Variants in PPARGC1A observed in about 807,000 individuals in gnomAD.
PPARGC1A encodes the protein PPARG coactivator 1 alpha, also known as peroxisome proliferator-activated receptor gamma coactivator 1-alpha.
Under a neutral mutation model 88.7 loss-of-function variants are expected in PPARGC1A, and 25 were observed. That is an observed-to-expected ratio of 0.28 (90% CI 0.21 to 0.39). The LOEUF (loss-of-function observed/expected upper bound fraction) is 0.39. Among genes scored for constraint, PPARGC1A ranks in the 10% least tolerant of loss-of-function variants. The pLI is 1.00. For missense variants in PPARGC1A, 880 were observed against 968.7 expected (o/e 0.91, Z 1.22); for synonymous variants, 363 against 355.6 (o/e 1.02, Z -0.24).
the PPARGC1A span, among the ~76,000 whole-genome samples, chr4:23,997,171 C>A: frequency 6.6e-6 from 1 of 152,060 alleles, no homozygotes; most frequent in African/African-American, 2.4e-5. Context: ...GAACAATCAC[C>A]AATGTGCCAT....
At chr4:24,297,726 C>T in the PPARGC1A span, among the ~76,000 whole-genome samples, 7 of 152,080 alleles carry the variant, frequency 4.6e-5, no homozygotes, top group Non-Finnish European at 1.0e-4. Context: ...AATGAGAATC[C>T]CACTGTACAC....
At chr4:24,335,657 C>T in the PPARGC1A span, among the ~76,000 whole-genome samples, 3 of 152,056 alleles carry the variant, frequency 2.0e-5, no homozygotes, top group East Asian at 3.9e-4. Context: ...CAACTATAAG[C>T]GCGAGGGTAC....
chr4:24,233,012 C>T, the PPARGC1A span, among the ~76,000 whole-genome samples: 2 of 152,016 alleles, frequency 1.3e-5, no homozygotes, highest in African/African-American at 4.8e-5. Flanking sequence ...CTGAGAGTGT[C>T]CACACAAGGA....
the PPARGC1A span, among the ~76,000 whole-genome samples, chr4:23,997,989 T>C: frequency 0.015 from 2,355 of 152,266 alleles, 57 homozygotes; most frequent in African/African-American, 0.053. Context: ...TAATGTAGGA[T>C]TCATTAAGGA....
At chr4:24,259,720 C>T in the PPARGC1A span, among the ~76,000 whole-genome samples, 346 of 152,220 alleles carry the variant, frequency 2.3e-3, 1 homozygote, top group African/African-American at 8.0e-3. Context: ...CCACGAATAT[C>T]GATTGAATTC....
chr4:24,461,751 G>C, the PPARGC1A span, among the ~76,000 whole-genome samples: 3 of 152,184 alleles, frequency 2.0e-5, no homozygotes, highest in African/African-American at 7.2e-5. Context: ...ACTCTCGGCA[G>C]GTATTCCTTG....
intron 2 of PPARGC1A, among the ~76,000 whole-genome samples, chr4:23,838,365 T>C (rs942917661): frequency 6.6e-6 from 1 of 152,168 alleles, no homozygotes; most frequent in African/African-American, 2.4e-5. Context: ...ACTGAGAGGT[T>C]CCTAGCTCCT....
chr4:24,435,043 T>A, the PPARGC1A span, among the ~76,000 whole-genome samples: 1 of 152,244 alleles, frequency 6.6e-6, no homozygotes, highest in Non-Finnish European at 1.5e-5. Context: ...ACGTCCCTTC[T>A]TGTTTATTCA....
At chr4:24,004,938 C>T in the PPARGC1A span, among the ~76,000 whole-genome samples, 19 of 152,108 alleles carry the variant, frequency 1.2e-4, no homozygotes, top group African/African-American at 3.6e-4. Flanking sequence ...ATTGTAGGTA[C>T]GCAAGAAATG....
the PPARGC1A span, among the ~76,000 whole-genome samples, chr4:24,379,178 T>C: frequency 2.0e-5 from 3 of 152,220 alleles, no homozygotes; most frequent in Non-Finnish European, 4.4e-5. Flanking sequence ...GTCTATATGA[T>C]ATAATAATAT....
the PPARGC1A span, among the ~76,000 whole-genome samples, chr4:24,207,852 C>T: frequency 6.6e-6 from 1 of 152,110 alleles, no homozygotes; most frequent in East Asian, 1.9e-4. Context: ...AAATAGAATT[C>T]AGGAAAATAC....
chr4:24,150,058 T>C, the PPARGC1A span, among the ~76,000 whole-genome samples: 1 of 152,184 alleles, frequency 6.6e-6, no homozygotes, highest in African/African-American at 2.4e-5. Context: ...AGAATATCCT[T>C]ACTTAAGATG....
the PPARGC1A span, among the ~76,000 whole-genome samples, chr4:24,422,658 A>G: frequency 1.3e-5 from 2 of 151,870 alleles, no homozygotes; most frequent in African/African-American, 4.8e-5. Context: ...ATTTGCTCAC[A>G]TAGAGAACTA....
At chr4:24,149,508 T>A in the PPARGC1A span, among the ~76,000 whole-genome samples, 1 of 152,212 alleles carries the variant, frequency 6.6e-6, no homozygotes, top group Admixed American at 6.5e-5. Context: ...GCCGTTTTTA[T>A]TACTAATTTA....
At chr4:24,059,471 T>G in the PPARGC1A span, among the ~76,000 whole-genome samples, 7 of 152,164 alleles carry the variant, frequency 4.6e-5, no homozygotes, top group Admixed American at 3.9e-4. Flanking sequence ...AGTGAGCGCT[T>G]TTCAAACTTC....
At chr4:24,461,653 T>C in the PPARGC1A span, among the ~76,000 whole-genome samples, 4 of 152,076 alleles carry the variant, frequency 2.6e-5, no homozygotes, top group African/African-American at 9.7e-5. Context: ...TCTTACTAAA[T>C]GAAAGCTCTC....
At chr4:24,193,024 G>C in the PPARGC1A span, among the ~76,000 whole-genome samples, 1 of 152,104 alleles carries the variant, frequency 6.6e-6, no homozygotes, top group African/African-American at 2.4e-5. Flanking sequence ...AAAGCAAGAG[G>C]AGATATCTAG....
At position 23,890,012 on chromosome 4, in the gene PPARGC1A, A is replaced by C; in HGVS notation, c.-55T>G. On this transcript the variant is annotated 5_prime_UTR_variant, in exon 1 of 13. Coordinates refer to ENST00000264867, the MANE Select transcript of PPARGC1A (RefSeq NM_013261.5). Reference sequence around the variant, plus strand: ...TTTCAACTCCAATCCACAGTGACACAGAGCACACACTCATGCAGGCAACCA... The same window carrying C: ...TTTCAACTCCAATCCACAGTGACACCGAGCACACACTCATGCAGGCAACCA... 1 of 1,610,784 alleles carries C rather than the reference A, an allele frequency of 6.2e-7. No individual in the cohort carries two copies. The highest frequency in any genetic ancestry group is 1.1e-5 in the South Asian group (1 of 90,506).
the PPARGC1A span, among the ~76,000 whole-genome samples, chr4:24,142,732 T>C: frequency 6.6e-6 from 1 of 151,960 alleles, no homozygotes; most frequent in African/African-American, 2.4e-5. Context: ...CTCACAGAGA[T>C]GATAGTTTAA....
Sources: gnomAD v4.1 joint callset for allele counts (sites outside exome capture counted in the v4.1 genomes callset) on GRCh38, gnomAD v4.1.1 for gene constraint, MANE v1.5 for transcripts, NCBI Gene and HGNC (gene_info 2026-07-23, HGNC 2026-07-21) for gene names.